The following RHOBTB1 variants were observed in gnomAD, a reference collection of about 807,000 sequenced individuals.
RHOBTB1 encodes the protein rho-related BTB domain-containing protein 1.
RHOBTB1 carries 40 observed loss-of-function variants against 71.6 expected under a neutral mutation model. The ratio of observed to expected loss-of-function variants is 0.56; its 90% CI spans 0.43 to 0.73. RHOBTB1 has a LOEUF of 0.73. RHOBTB1 is among the 30% of genes least tolerant of loss of function. RHOBTB1 has a pLI of 0.00. For synonymous variants in RHOBTB1, 319 were observed against 334.9 expected, an observed-to-expected ratio of 0.95 and a Z score of 0.52; for missense variants, 797 against 894.0, an observed-to-expected ratio of 0.89 and a Z score of 1.38.
the RHOBTB1 span, among the ~76,000 whole-genome samples, chr10:60,863,349 G>GT: frequency 2.2e-3 from 335 of 150,674 alleles, 1 homozygote; most frequent in Middle Eastern, 3.4e-3. Flanking sequence ...TCTTTAAATT[G>GT]TTTTTTTTTG....
At chr10:60,861,710 A>T in the RHOBTB1 span, among the ~76,000 whole-genome samples, 1 of 152,190 alleles carries the variant, frequency 6.6e-6, no homozygotes, top group Non-Finnish European at 1.5e-5. Context: ...AACAAAGATT[A>T]CTATTACATA....
At chr10:61,001,364 T>A (rs1565229871) in intron 1 of RHOBTB1, 1 of 149,146 alleles carries the variant, frequency 6.7e-6, no homozygotes, top group East Asian at 2.0e-4. Context: ...CCGGGCGCGC[T>A]CCCGCCCCGC....
intron 1 of RHOBTB1, among the ~76,000 whole-genome samples, chr10:60,992,699 T>G (rs776271100): frequency 6.6e-6 from 1 of 152,216 alleles, no homozygotes; most frequent in Non-Finnish European, 1.5e-5. Context: ...ACACAAATTT[T>G]GTAAATTAGA....
intron 2 of RHOBTB1, among the ~76,000 whole-genome samples, chr10:60,932,621 T>C (rs1324880271): frequency 2.0e-5 from 3 of 151,678 alleles, no homozygotes; most frequent in Non-Finnish European, 4.4e-5. Context: ...ATCGGGAAGC[T>C]TTGTCAAGAA....
At chr10:60,921,230 G>A (rs1254429349) in intron 2 of RHOBTB1, among the ~76,000 whole-genome samples, 1 of 152,154 alleles carries the variant, frequency 6.6e-6, no homozygotes, top group African/African-American at 2.4e-5. Flanking sequence ...TTACCAGCAT[G>A]AGCCACCATG....
At chr10:60,900,500 A>G (rs1052506376) in intron 4 of RHOBTB1, among the ~76,000 whole-genome samples, 3 of 152,194 alleles carry the variant, frequency 2.0e-5, no homozygotes, top group Non-Finnish European at 2.9e-5. Context: ...GTTAACCCTG[A>G]ATTGTAATGG....
chr10:60,933,824 T>C (rs968601390), intron 2 of RHOBTB1, among the ~76,000 whole-genome samples: 1 of 152,150 alleles, frequency 6.6e-6, no homozygotes, highest in Admixed American at 6.5e-5. Context: ...AAATGTGTTA[T>C]AGGAGTACAC....
intron 4 of RHOBTB1, among the ~76,000 whole-genome samples, chr10:60,905,574 G>A (rs10994571): frequency 0.25 from 37,924 of 150,042 alleles, 6,485 homozygotes; most frequent in African/African-American, 0.49. Flanking sequence ...AGGCAGAAGG[G>A]AAAAAAAAAC....
intron 4 of RHOBTB1, among the ~76,000 whole-genome samples, chr10:60,907,407 C>T (rs1589259892): frequency 6.6e-6 from 1 of 152,252 alleles, no homozygotes; most frequent in Admixed American, 6.5e-5. Flanking sequence ...AAAAGAGCAG[C>T]TGATCAAAGT....
chr10:60,930,795 C>A (rs899537309), intron 2 of RHOBTB1, among the ~76,000 whole-genome samples: 4 of 152,110 alleles, frequency 2.6e-5, no homozygotes, highest in African/African-American at 9.7e-5. Context: ...GGGATCTCTT[C>A]CCTTCAGGTT....
intron 5 of RHOBTB1, 106 bp downstream of exon 5, chr10:60,892,704 T>C: frequency 2.1e-6 from 2 of 951,996 alleles, no homozygotes; most frequent in South Asian, 1.9e-5. Flanking sequence ...GGCTGATTGA[T>C]GGGATCCAGG....
chr10:60,912,098 C>A (rs2083006584), intron 2 of RHOBTB1, among the ~76,000 whole-genome samples: 1 of 152,016 alleles, frequency 6.6e-6, no homozygotes, highest in South Asian at 2.1e-4. Context: ...TGAAAGACTA[C>A]CTGATGTCAA....
upstream of RHOBTB1, among the ~76,000 whole-genome samples, chr10:60,944,428 T>C (rs1487180578): frequency 2.0e-5 from 3 of 151,984 alleles, no homozygotes. Flanking sequence ...GTGGCAAAGG[T>C]TCCTCGGCTC....
At chr10:60,862,484 C>T in the RHOBTB1 span, among the ~76,000 whole-genome samples, 1 of 150,766 alleles carries the variant, frequency 6.6e-6, no homozygotes, top group Non-Finnish European at 1.5e-5. Context: ...AGGTGTGAGC[C>T]ACCATGCTCA....
chr10:60,934,003 T>G (rs555748003), intron 2 of RHOBTB1, among the ~76,000 whole-genome samples: 2 of 152,340 alleles, frequency 1.3e-5, no homozygotes, highest in South Asian at 2.1e-4. Context: ...GATAGGATTA[T>G]AATTCATTTT....
At chr10:60,990,347 A>T (rs939646514) in intron 1 of RHOBTB1, among the ~76,000 whole-genome samples, 1 of 152,082 alleles carries the variant, frequency 6.6e-6, no homozygotes, top group Non-Finnish European at 1.5e-5. Flanking sequence ...GGACACCAAT[A>T]GGCCAATGAT....
chr10:60,922,977 C>T (rs1320047585), intron 2 of RHOBTB1, among the ~76,000 whole-genome samples: 1 of 152,190 alleles, frequency 6.6e-6, no homozygotes. Flanking sequence ...AATTCACCCT[C>T]AAAGGTTCTC....
chr10:60,898,105 G>A (rs2082246749), intron 4 of RHOBTB1, among the ~76,000 whole-genome samples: 1 of 152,092 alleles, frequency 6.6e-6, no homozygotes, highest in African/African-American at 2.4e-5. Flanking sequence ...CTCTTTATAT[G>A]TCATCATTGA....
chr10:60,877,356 AC>A (rs1249480129), intron 8 of RHOBTB1, among the ~76,000 whole-genome samples: 7 of 152,208 alleles, frequency 4.6e-5, no homozygotes, highest in African/African-American at 1.7e-4. Flanking sequence ...ATTTTAACTC[AC>A]TTAATCTCCA....
Sources: gnomAD v4.1 joint callset for allele counts (sites outside exome capture counted in the v4.1 genomes callset) on GRCh38, gnomAD v4.1.1 for gene constraint, MANE v1.5 for transcripts, NCBI Gene and HGNC (gene_info 2026-07-23, HGNC 2026-07-21) for gene names.